CWH43: variants seen among roughly 807,000 people sequenced by gnomAD.
CWH43 encodes PGAP2-interacting protein.
Under a neutral mutation model 85.7 loss-of-function variants are expected in CWH43, and 91 were observed. The observed-to-expected ratio is 1.06, with a 90% CI of 0.90 to 1.26. CWH43 has a LOEUF of 1.26. Among genes scored for constraint, CWH43 ranks in the 50% most tolerant of loss-of-function variants. The pLI is 0.00. For missense variants in CWH43, 869 were observed against 839.2 expected, an observed-to-expected ratio of 1.04 and a Z score of -0.44; for synonymous variants, 323 against 293.6, an observed-to-expected ratio of 1.10 and a Z score of -1.02.
intron 6 of CWH43, among the ~76,000 whole-genome samples, chr4:49,003,427 A>T (rs1292765759): frequency 6.6e-6 from 1 of 152,122 alleles, no homozygotes; most frequent in Non-Finnish European, 1.5e-5. Context: ...CAGAAATTTT[A>T]GTTTTTATTG....
rs1313517667 is a variant in CWH43, at chr4:49,022,053, T to TGTTCAATG, written c.1266+4726_1266+4733dup. Among the ~76,000 whole-genome samples, 5 of 152,288 alleles carry TGTTCAATG rather than the reference T, an allele frequency of 3.3e-5. No homozygotes were observed. In the East Asian group the frequency reaches 9.7e-4, roughly 29 times the overall value. On this transcript the variant is annotated intron_variant, in intron 9 of 15. Transcript: ENST00000226432. ...TTTGATACCCTTTATTTTTTTCTCT[T>TGTTCAATG]GTTCAATGTGCTGGCTAGAACTTTC...
intron 7 of CWH43, 73 bp from the exon 8 acceptor site, chr4:49,007,128 C>T (rs1783184276): frequency 6.7e-7 from 1 of 1,496,140 alleles, no homozygotes; most frequent in African/African-American, 1.4e-5. Context: ...AAGGAACTCT[C>T]AGCTGCTGGA....
intron 6 of CWH43, among the ~76,000 whole-genome samples, chr4:49,002,808 A>G (rs1783034023): frequency 6.6e-6 from 1 of 152,114 alleles, no homozygotes; most frequent in African/African-American, 2.4e-5. Flanking sequence ...AATGGAATGT[A>G]TTGATGAACT....
At chr4:49,054,068 A>G (rs1372006349) in intron 15 of CWH43, among the ~76,000 whole-genome samples, 1 of 152,144 alleles carries the variant, frequency 6.6e-6, no homozygotes, top group African/African-American at 2.4e-5. Flanking sequence ...TTTAGGGATC[A>G]TATTTAAAAA....
chr4:48,992,408 G>T lies in CWH43; in HGVS notation c.511+318G>T, dbSNP rs1370937466. ...TCTGTCTTCCTCCTTCTTTCCCCTGGTCAGAGCTCTCTAGGATGGGATTCT... is the reference window on the plus strand; with the variant it reads ...TCTGTCTTCCTCCTTCTTTCCCCTGTTCAGAGCTCTCTAGGATGGGATTCT... On this transcript the variant is annotated intron_variant, in intron 4 of 15. Transcript: ENST00000226432. This position sits in a 1 kb window ranked among gnomAD's most constrained non-coding sequence, Gnocchi z 4.3. Among the ~76,000 whole-genome samples, 1 of 152,088 alleles carries T rather than the reference G, an allele frequency of 6.6e-6. No individual in the cohort carries two copies. Among genetic ancestry groups the T allele is most frequent in the East Asian group, 1.9e-4 (1 of 5,186 alleles).
In CWH43 at chr4:49,050,715, C is replaced by T. The variant is rs1784765792; in HGVS notation, c.1887C>T (p.Ser629=). The part of the protein sequence containing the change: ...GLIRLGYARI[S]HAELSDSEIQ... Reference sequence around the variant, plus strand: ...ACAGGTTGGGTTATGCAAGAATCTCCCATGCTGAACTGAGTGATTCAGAAA... The same window carrying T: ...ACAGGTTGGGTTATGCAAGAATCTCTCATGCTGAACTGAGTGATTCAGAAA... Residue 629 remains serine (S), a synonymous_variant, in exon 15 of 16, where the codon TCC becomes TCT. Coordinates refer to ENST00000226432, the MANE Select transcript of CWH43 (RefSeq NM_025087.3). 2 of 1,611,766 alleles carry T rather than the reference C, an allele frequency of 1.2e-6. No individual in the cohort carries two copies. The highest frequency in any genetic ancestry group is 4.5e-5 in the East Asian group (2 of 44,774).
At chr4:48,988,983 G>A (rs1782574307) in intron 2 of CWH43, among the ~76,000 whole-genome samples, 1 of 152,118 alleles carries the variant, frequency 6.6e-6, no homozygotes, top group Admixed American at 6.5e-5. Context: ...TAACACTCAG[G>A]AGCCATTTAA....
Position 49,062,037 on chromosome 4 carries a change from T to A in CWH43, c.*147T>A, listed in dbSNP as rs1331945542. 1.1e-5 allele frequency: 5 copies of A among 464,012 alleles called. No homozygotes were observed. Among genetic ancestry groups the A allele is most frequent in the Non-Finnish European group, 1.6e-5 (5 of 304,028 alleles). 28.7% of individuals were successfully genotyped at this position (464,012 alleles called of 1,614,324 possible). A position where few individuals can be genotyped will look rare whatever the true frequency, so the allele number is the denominator to read the frequency against. Reference sequence around the variant, plus strand: ...GGTATCTATGCAGTGGGAAATTACCTCCATTTGTAAACTATGTTGCTTAAT... The same window carrying A: ...GGTATCTATGCAGTGGGAAATTACCACCATTTGTAAACTATGTTGCTTAAT... On this transcript the variant is annotated 3_prime_UTR_variant, in exon 16 of 16. Coordinates refer to ENST00000226432, the MANE Select transcript of CWH43 (RefSeq NM_025087.3).
In CWH43 at chr4:49,022,532, A is replaced by G. The variant is rs145910662; in HGVS notation, c.1266+5204A>G. 5.9e-4 allele frequency among the ~76,000 whole-genome samples: 90 copies of G among 152,106 alleles called. No homozygotes were observed. The East Asian group carries it at 0.017, about 29-fold the overall frequency. On this transcript the variant is annotated intron_variant, in intron 9 of 15. Coordinates refer to ENST00000226432, the MANE Select transcript of CWH43 (RefSeq NM_025087.3). Reference sequence around the variant, plus strand: ...TTTCTTTTTTGTTACATCCTTTGCTAGTTTTGGTATTAGGGTGATACTGGC... The same window carrying G: ...TTTCTTTTTTGTTACATCCTTTGCTGGTTTTGGTATTAGGGTGATACTGGC...
intron 12 of CWH43, among the ~76,000 whole-genome samples, chr4:49,034,982 T>C (rs948392502): frequency 6.6e-6 from 1 of 152,196 alleles, no homozygotes; most frequent in Non-Finnish European, 1.5e-5. Flanking sequence ...GCATCTGACA[T>C]GTCCCAAGCA....
chr4:49,024,301 A>C (rs1366341628), intron 9 of CWH43, among the ~76,000 whole-genome samples: 1 of 152,186 alleles, frequency 6.6e-6, no homozygotes, highest in African/African-American at 2.4e-5. Flanking sequence ...CCAGTTCTGC[A>C]TTCTATATCT....
At chr4:49,014,674 T>G (rs542794344) in intron 8 of CWH43, among the ~76,000 whole-genome samples, 322 of 152,134 alleles carry the variant, frequency 2.1e-3, no homozygotes, top group Non-Finnish European at 3.6e-3. Context: ...TTGGAACAGT[T>G]TATTTACAGT....
chr4:49,033,025 C>T (rs1294230731), intron 12 of CWH43, among the ~76,000 whole-genome samples: 1 of 152,080 alleles, frequency 6.6e-6, no homozygotes, highest in South Asian at 2.1e-4. Flanking sequence ...ACTCTTAGAG[C>T]CCCGTTTTGC....
intron 15 of CWH43, among the ~76,000 whole-genome samples, chr4:49,061,272 A>G (rs1785149102): frequency 6.6e-6 from 1 of 152,174 alleles, no homozygotes; most frequent in Non-Finnish European, 1.5e-5. Flanking sequence ...CTTACATTAT[A>G]GAGGTTAGAT....
intron 1 of CWH43, 81 bp downstream of exon 1, chr4:48,986,553 G>T: frequency 6.5e-7 from 1 of 1,542,200 alleles, no homozygotes. Context: ...AGGCCAGGTT[G>T]GCTGAGTTCA....
intron 13 of CWH43, among the ~76,000 whole-genome samples, chr4:49,041,270 A>G (rs1387244681): frequency 6.6e-6 from 1 of 152,154 alleles, no homozygotes; most frequent in African/African-American, 2.4e-5. Context: ...GTTTTTTCCA[A>G]TTCTGTGAAG....
chr4:49,059,505 T>G (rs564762323), intron 15 of CWH43, among the ~76,000 whole-genome samples: 1 of 152,330 alleles, frequency 6.6e-6, no homozygotes, highest in Non-Finnish European at 1.5e-5. Flanking sequence ...CATGTTTCCT[T>G]GATTATTTAT....
At chr4:49,060,795 G>A (rs1004124738) in intron 15 of CWH43, among the ~76,000 whole-genome samples, 1 of 152,124 alleles carries the variant, frequency 6.6e-6, no homozygotes, top group African/African-American at 2.4e-5. Context: ...GACAAGCACT[G>A]GAAAGTCCTA....
At chr4:49,035,822 T>C (rs1784246755) in intron 12 of CWH43, among the ~76,000 whole-genome samples, 1 of 152,208 alleles carries the variant, frequency 6.6e-6, no homozygotes, top group Admixed American at 6.5e-5. Flanking sequence ...GAATCCAATA[T>C]ATTCTACTAA....
Sources: allele counts gnomAD v4.1 joint callset (sites outside exome capture counted in the v4.1 genomes callset), GRCh38; gene constraint gnomAD v4.1.1; non-coding constraint Gnocchi (gnomAD v3.1); transcripts MANE v1.5; gene names NCBI Gene and HGNC (gene_info 2026-07-23, HGNC 2026-07-21).